The following QRICH1 variants were observed in gnomAD, a reference collection of about 807,000 sequenced individuals.
The protein encoded by QRICH1 is transcriptional regulator QRICH1.
QRICH1 carries 16 observed loss-of-function variants against 87.1 expected under a neutral mutation model. The observed-to-expected ratio is 0.18, with a 90% CI of 0.12 to 0.28. QRICH1 has a LOEUF of 0.28. Among genes scored for constraint, QRICH1 ranks in the 10% least tolerant of loss-of-function variants. The pLI is 1.00. For synonymous variants in QRICH1, 367 were observed against 368.4 expected, an observed-to-expected ratio of 1.00 and a Z score of 0.05; for missense variants, 647 against 951.7, an observed-to-expected ratio of 0.68 and a Z score of 4.21.
intron 9 of QRICH1, among the ~76,000 whole-genome samples, chr3:49,031,929 T>C (rs1162160561): frequency 2.6e-5 from 4 of 152,256 alleles, no homozygotes; most frequent in African/African-American, 9.6e-5. Context: ...GTAGATTCTC[T>C]GTACCTTCAT....
intron 2 of QRICH1, among the ~76,000 whole-genome samples, chr3:49,058,180 C>T (rs546509742): frequency 4.6e-5 from 7 of 152,050 alleles, no homozygotes; most frequent in African/African-American, 1.7e-4. Flanking sequence ...AAGATGGACT[C>T]GCTCTGTCGC....
chr3:49,046,597 A>G lies in QRICH1; in HGVS notation c.1517-18T>C. On this transcript the variant is annotated intron_variant, in intron 4 of 9. Coordinates refer to ENST00000395443, the MANE Select transcript of QRICH1 (RefSeq NM_198880.3). ...TTGGCGCCCTGCAACGGAAGCCTCA[A>G]AAATGAATGAAGGTCCTGGGGGTCC... 6.2e-7 allele frequency: 1 copy of G among 1,611,680 alleles called. No homozygotes were observed. The highest frequency in any genetic ancestry group is 1.1e-5 in the South Asian group (1 of 90,868).
At chr3:49,084,006 T>C (rs2042122329) in intron 1 of QRICH1, among the ~76,000 whole-genome samples, 1 of 151,996 alleles carries the variant, frequency 6.6e-6, no homozygotes, top group African/African-American at 2.4e-5. Flanking sequence ...TTCACCATCT[T>C]GGCCAAGCTG....
chr3:49,093,000 T>C lies in QRICH1; in HGVS notation c.-22+912A>G, dbSNP rs1184913402. ...TAAACTGGCATTTTAGAGCTCGGAGTTCACATGGGCCACATAAGCGAATTC... is the reference window on the plus strand; with the variant it reads ...TAAACTGGCATTTTAGAGCTCGGAGCTCACATGGGCCACATAAGCGAATTC... On this transcript the variant is annotated intron_variant, in intron 1 of 9. Coordinates refer to ENST00000395443, the MANE Select transcript of QRICH1 (RefSeq NM_198880.3). Among the ~76,000 whole-genome samples the C allele has an allele frequency of 2.6e-5, 4 of 152,186 alleles. No homozygotes were observed. The East Asian group carries it at 5.8e-4, about 22-fold the overall frequency.
chr3:49,041,783 A>C (rs1318312772), intron 6 of QRICH1, among the ~76,000 whole-genome samples: 1 of 151,844 alleles, frequency 6.6e-6, no homozygotes, highest in Non-Finnish European at 1.5e-5. Context: ...GGCACATGCC[A>C]CCACGTCCAG....
At chr3:49,059,044 C>G (rs978338491) in intron 2 of QRICH1, among the ~76,000 whole-genome samples, 1 of 151,024 alleles carries the variant, frequency 6.6e-6, no homozygotes, top group African/African-American at 2.4e-5. Context: ...TCACTGCAAG[C>G]TCCGCCTCCC....
intron 6 of QRICH1, among the ~76,000 whole-genome samples, chr3:49,034,135 A>G (rs2093260212): frequency 6.6e-6 from 1 of 150,916 alleles, no homozygotes; most frequent in Non-Finnish European, 1.5e-5. Context: ...CTCTTCTACA[A>G]TATTTATCTT....
rs563225385 is a variant in QRICH1 at position 49,048,690 on chromosome 3, A to T, written c.1339-1444T>A. Among the ~76,000 whole-genome samples the T allele has an allele frequency of 2.6e-4, 37 of 144,902 alleles. No homozygotes were observed. In the East Asian group the frequency reaches 6.0e-3, roughly 23 times the overall value. ...GTAGTCCCAGCTACTCAGGAGGCTG[A>T]GGCAGGAGAATGGCATGAATCCAGG... On this transcript the variant is annotated intron_variant, in intron 3 of 9. Transcript: ENST00000395443.
intron 2 of QRICH1, among the ~76,000 whole-genome samples, chr3:49,062,009 T>A (rs562116591): frequency 3.3e-5 from 5 of 152,076 alleles, no homozygotes; most frequent in Non-Finnish European, 7.4e-5. Flanking sequence ...TAGGTAAGGA[T>A]ATAGACAACT....
intron 2 of QRICH1, among the ~76,000 whole-genome samples, chr3:49,068,268 G>C (rs1470152655): frequency 2.0e-5 from 3 of 151,914 alleles, no homozygotes; most frequent in African/African-American, 7.2e-5. Context: ...GAAATGGCAG[G>C]ATCAATTGCG....
intron 4 of QRICH1, 105 bp from the exon 5 acceptor site, chr3:49,046,684 G>C (rs924423887): frequency 3.6e-5 from 44 of 1,221,990 alleles, no homozygotes; most frequent in Non-Finnish European, 4.8e-5. Context: ...ATGCTCACTT[G>C]TATCTACTAG....
At chr3:49,090,460 A>AC (rs2042252859) in intron 1 of QRICH1, among the ~76,000 whole-genome samples, 1 of 146,606 alleles carries the variant, frequency 6.8e-6, no homozygotes, top group Non-Finnish European at 1.5e-5. Context: ...CTACGTCTCA[A>AC]AAAAAAAAAA....
intron 1 of QRICH1, among the ~76,000 whole-genome samples, chr3:49,089,401 C>T (rs563531437): frequency 6.6e-6 from 1 of 152,194 alleles, no homozygotes; most frequent in South Asian, 2.1e-4. Context: ...TTGTATTTTT[C>T]CCAAATATTG....
chr3:49,032,557 C>A (rs1422990764), intron 8 of QRICH1, 65 bp downstream of exon 8: 3 of 1,477,258 alleles, frequency 2.0e-6, no homozygotes, highest in African/African-American at 1.4e-5. Context: ...GCCTCACAGG[C>A]ACAAGGGCAG....
chr3:49,073,912 T>C (rs2041898103), intron 2 of QRICH1, among the ~76,000 whole-genome samples: 2 of 151,978 alleles, frequency 1.3e-5, no homozygotes, highest in Admixed American at 6.6e-5. Flanking sequence ...GCTTCCCAAA[T>C]AGCTGGGACT....
intron 2 of QRICH1, among the ~76,000 whole-genome samples, chr3:49,067,049 G>C (rs931100299): frequency 2.6e-5 from 4 of 151,718 alleles, no homozygotes; most frequent in Non-Finnish European, 5.9e-5. Context: ...AAAAGAGAGA[G>C]AGAAATTACT....
intron 1 of QRICH1, among the ~76,000 whole-genome samples, chr3:49,082,180 G>A (rs191011566): frequency 1.3e-3 from 204 of 152,164 alleles, no homozygotes; most frequent in Non-Finnish European, 1.1e-3. Context: ...CACCTCAAGC[G>A]ATCTGCCCAA....
intron 3 of QRICH1, among the ~76,000 whole-genome samples, chr3:49,047,495 T>C (rs1575335888): frequency 1.3e-5 from 2 of 150,712 alleles, no homozygotes; most frequent in East Asian, 3.9e-4. Flanking sequence ...TTTTTTTTTT[T>C]TTTTTGAGAC....
At position 49,031,272 on chromosome 3, in the gene QRICH1, G is replaced by A. The variant is rs555814313; in HGVS notation, c.2139-628C>T. Among the ~76,000 whole-genome samples, 175 of 152,278 alleles carry A rather than the reference G, an allele frequency of 1.1e-3. 1 individual carries two copies. Among genetic ancestry groups the A allele is most frequent in the Middle Eastern group, 0.01 (3 of 294 alleles). On this transcript the variant is annotated intron_variant, in intron 9 of 9. Coordinates refer to ENST00000395443, the MANE Select transcript of QRICH1 (RefSeq NM_198880.3). ...CAAAGTGCTTGGATTACAGGCGTGA[G>A]CCACGGTGCCCAGCCTCATGTTGTG...
Sources: gnomAD v4.1 joint callset for allele counts (sites outside exome capture counted in the v4.1 genomes callset) on GRCh38, gnomAD v4.1.1 for gene constraint, MANE v1.5 for transcripts, NCBI Gene and HGNC (gene_info 2026-07-23, HGNC 2026-07-21) for gene names.